CNTNAP2: variants seen among roughly 807,000 people sequenced by gnomAD.
CNTNAP2 encodes the protein contactin-associated protein-like 2.
CNTNAP2 carries 98 observed loss-of-function variants against 155.2 expected under a neutral mutation model. That is an observed-to-expected ratio of 0.63 (90% CI 0.54 to 0.75). The LOEUF is 0.75. Among genes scored for constraint, CNTNAP2 ranks in the 30% least tolerant of loss-of-function variants. The pLI is 0.00. For missense variants in CNTNAP2, 1,727 were observed against 1,688.1 expected (o/e 1.02, Z -0.40); for synonymous variants, 651 against 631.2 (o/e 1.03, Z -0.47).
At chr7:146,611,703 T>C (rs1799140942) in intron 1 of CNTNAP2, among the ~76,000 whole-genome samples, 1 of 152,216 alleles carries the variant, frequency 6.6e-6, no homozygotes, top group Non-Finnish European at 1.5e-5. Context: ...GGTACCCTTA[T>C]TAAAACTCTG....
At chr7:147,134,779 TA>T (rs2129285781) in intron 8 of CNTNAP2, among the ~76,000 whole-genome samples, 1 of 152,078 alleles carries the variant, frequency 6.6e-6, no homozygotes, top group East Asian at 1.9e-4. Context: ...ATGTTTGCTT[TA>T]ACAAAGGGAA....
chr7:146,693,928 C>A (rs1004089410), intron 1 of CNTNAP2, among the ~76,000 whole-genome samples: 4 of 151,848 alleles, frequency 2.6e-5, no homozygotes, highest in Admixed American at 2.6e-4. Context: ...TTGTTCCCCT[C>A]CCTGTGCCCA....
chr7:148,072,779 C>T (rs945921240), intron 15 of CNTNAP2, among the ~76,000 whole-genome samples: 2 of 152,220 alleles, frequency 1.3e-5, no homozygotes, highest in African/African-American at 4.8e-5. Context: ...GCGATCTTGG[C>T]TCGCTGCAAC....
At chr7:147,165,738 C>G (rs1332863337) in intron 8 of CNTNAP2, among the ~76,000 whole-genome samples, 1 of 152,128 alleles carries the variant, frequency 6.6e-6, no homozygotes, top group Non-Finnish European at 1.5e-5. Context: ...TGTCCTTTCC[C>G]AACTTGATGT....
At chr7:146,447,855 A>T (rs1620029) in intron 1 of CNTNAP2, among the ~76,000 whole-genome samples, 60,665 of 151,868 alleles carry the variant, frequency 0.4, 14,100 homozygotes, top group African/African-American at 0.64. Context: ...ATATAAAAAA[A>T]CTGTGTTTAA....
intron 3 of CNTNAP2, among the ~76,000 whole-genome samples, chr7:146,840,369 C>A (rs748549028): frequency 2.0e-5 from 3 of 152,138 alleles, no homozygotes; most frequent in Non-Finnish European, 4.4e-5. Context: ...TCTATGTTCA[C>A]TTTATTCCTT....
chr7:148,269,251 T>C (rs1445036860), intron 21 of CNTNAP2, among the ~76,000 whole-genome samples: 4 of 152,186 alleles, frequency 2.6e-5, no homozygotes, highest in Admixed American at 6.5e-5. Context: ...GAGCCTTAGA[T>C]ATTGTACGAT....
rs1262098691 is a variant in CNTNAP2, at chr7:147,663,094, G to A, written c.2098+23788G>A. ...GCTCACTGCAACCTCCACTTCCCGG[G>A]TTCAAGTGATTCTCCTGCCTCAGCC... On this transcript the variant is annotated intron_variant, in intron 13 of 23. Coordinates refer to ENST00000361727, the MANE Select transcript of CNTNAP2 (RefSeq NM_014141.6). Among the ~76,000 whole-genome samples, 5 of 152,306 alleles carry A rather than the reference G, an allele frequency of 3.3e-5. No individual in the cohort carries two copies. In the East Asian group the frequency reaches 7.7e-4, roughly 24 times the overall value.
At chr7:148,369,643 C>CATCATTATTATT (rs1554425870) in intron 21 of CNTNAP2, among the ~76,000 whole-genome samples, 13 of 143,460 alleles carry the variant, frequency 9.1e-5, no homozygotes, top group Non-Finnish European at 1.8e-4. Flanking sequence ...TGTTCTTTAT[C>CATCATTATTATT]ATTATTATTA....
intron 13 of CNTNAP2, among the ~76,000 whole-genome samples, chr7:147,848,792 A>G (rs1013674841): frequency 3.9e-5 from 6 of 152,230 alleles, no homozygotes; most frequent in African/African-American, 1.2e-4. Flanking sequence ...CTTAAATACC[A>G]TAGAACAAAA....
intron 1 of CNTNAP2, among the ~76,000 whole-genome samples, chr7:146,302,633 G>A (rs1467869789): frequency 1.3e-5 from 2 of 152,094 alleles, no homozygotes; most frequent in African/African-American, 2.4e-5. Flanking sequence ...ACAGTTCAAC[G>A]TTAGAGGCCG....
chr7:147,855,213 GGAA>G (rs1450868122), intron 13 of CNTNAP2, among the ~76,000 whole-genome samples: 2 of 151,814 alleles, frequency 1.3e-5, no homozygotes, highest in Non-Finnish European at 2.9e-5. Context: ...TGTATCTAGG[GGAA>G]GAAGAACAAA....
intron 2 of CNTNAP2, among the ~76,000 whole-genome samples, chr7:146,809,064 T>C (rs1197474050): frequency 6.6e-6 from 1 of 151,586 alleles, no homozygotes. Context: ...CTGATTTCAG[T>C]TTTTTTAGAT....
At chr7:146,363,650 A>T (rs991409343) in intron 1 of CNTNAP2, among the ~76,000 whole-genome samples, 2 of 152,302 alleles carry the variant, frequency 1.3e-5, no homozygotes, top group South Asian at 4.1e-4. Flanking sequence ...AGTTGAACCA[A>T]ATGACACGAG....
chr7:146,352,066 C>A (rs1794923059), intron 1 of CNTNAP2, among the ~76,000 whole-genome samples: 1 of 152,256 alleles, frequency 6.6e-6, no homozygotes, highest in Non-Finnish European at 1.5e-5. Flanking sequence ...TACAAAATGG[C>A]AGAGTTGGGG....
At chr7:148,131,087 C>CTTTTTTTTTTTTTTT (rs755587892) in intron 16 of CNTNAP2, among the ~76,000 whole-genome samples, 3 of 97,180 alleles carry the variant, frequency 3.1e-5, no homozygotes, top group African/African-American at 4.3e-5. Flanking sequence ...TTTTCTTCTT[C>CTTTTTTTTTTTTTTT]TTTTTTTTTT....
chr7:146,653,924 T>C (rs1425588921), intron 1 of CNTNAP2, among the ~76,000 whole-genome samples: 1 of 152,120 alleles, frequency 6.6e-6, no homozygotes. Flanking sequence ...TTCCTTGGAC[T>C]CTTTAGTGCT....
At chr7:146,480,231 C>T (rs963869790) in intron 1 of CNTNAP2, among the ~76,000 whole-genome samples, 1 of 151,862 alleles carries the variant, frequency 6.6e-6, no homozygotes, top group African/African-American at 2.4e-5. Context: ...AATATAAAGT[C>T]CAAAAGGGTA....
At chr7:146,684,784 G>A (rs987626650) in intron 1 of CNTNAP2, among the ~76,000 whole-genome samples, 1 of 151,908 alleles carries the variant, frequency 6.6e-6, no homozygotes, top group Non-Finnish European at 1.5e-5. Context: ...TCCCTACCGA[G>A]GTTTGTTTTC....
Sources: allele counts gnomAD v4.1 joint callset (sites outside exome capture counted in the v4.1 genomes callset), GRCh38; gene constraint gnomAD v4.1.1; transcripts MANE v1.5; gene names NCBI Gene and HGNC (gene_info 2026-07-23, HGNC 2026-07-21).